SRGAP3: variants seen among roughly 807,000 people sequenced by gnomAD.
SRGAP3 encodes the protein SLIT-ROBO Rho GTPase activating protein 3, also known as SLIT-ROBO Rho GTPase-activating protein 3.
SRGAP3 carries 39 observed loss-of-function variants against 121.1 expected under a neutral mutation model. The ratio of observed to expected loss-of-function variants is 0.32; its 90% CI spans 0.25 to 0.42. The LOEUF is 0.42. Ranked by LOEUF, SRGAP3 falls within the 10% of genes least tolerant of loss-of-function variation. The probability of loss-of-function intolerance (pLI) is 1.00; values close to 1 mark genes in which losing one functional copy is unlikely to be tolerated. For missense variants in SRGAP3, 1,213 were observed against 1,470.6 expected (o/e 0.82, Z 2.86); for synonymous variants, 601 against 570.0 (o/e 1.05, Z -0.77).
At chr3:9,226,929 G>A (rs558772293) in intron 1 of SRGAP3, among the ~76,000 whole-genome samples, 2 of 152,054 alleles carry the variant, frequency 1.3e-5, no homozygotes, top group Admixed American at 6.6e-5. Context: ...TCCAAACCCC[G>A]TCTGCAGGAA....
intron 1 of SRGAP3, among the ~76,000 whole-genome samples, chr3:9,136,088 G>A (rs1274637058): frequency 6.6e-6 from 1 of 152,164 alleles, no homozygotes; most frequent in African/African-American, 2.4e-5. Context: ...GTCCCACAAG[G>A]AGGGCTGTGT....
chr3:8,986,052 G>A, intron 21 of SRGAP3, 120 bp from the exon 22 acceptor site: 1 of 1,546,114 alleles, frequency 6.5e-7, no homozygotes, highest in Non-Finnish European at 8.7e-7. Context: ...CAGGGATGGA[G>A]ATTAAGTCCT....
intron 1 of SRGAP3, among the ~76,000 whole-genome samples, chr3:9,143,606 C>A (rs1484188671): frequency 6.6e-6 from 1 of 152,148 alleles, no homozygotes; most frequent in Non-Finnish European, 1.5e-5. Context: ...GGCACAAATG[C>A]CAGTGATGCT....
chr3:9,191,873 T>C (rs1035437789), intron 1 of SRGAP3, among the ~76,000 whole-genome samples: 1 of 152,112 alleles, frequency 6.6e-6, no homozygotes, highest in African/African-American at 2.4e-5. Flanking sequence ...TTTAAAAGTG[T>C]GTAGCATCTC....
chr3:9,076,290 G>C lies in SRGAP3; in HGVS notation c.486+3735C>G, dbSNP rs374866995. Among the ~76,000 whole-genome samples, 3 of 152,100 alleles carry C rather than the reference G, an allele frequency of 2.0e-5. No individual in the cohort carries two copies. The East Asian group carries it at 5.8e-4, about 29-fold the overall frequency. ...ACAGCAACTGATAGCTGAAACAAAGGCTTTAAATAAGTCACTTCTCTGTGC... is the reference window on the plus strand; with the variant it reads ...ACAGCAACTGATAGCTGAAACAAAGCCTTTAAATAAGTCACTTCTCTGTGC... On this transcript the variant is annotated intron_variant, in intron 4 of 21. Transcript: ENST00000383836.
At chr3:9,035,226 G>A (rs886823999) in intron 11 of SRGAP3, 4 of 152,872 alleles carry the variant, frequency 2.6e-5, no homozygotes, top group Non-Finnish European at 5.8e-5. Context: ...GCAGGTGTTG[G>A]ACACTCAATA....
intron 1 of SRGAP3, among the ~76,000 whole-genome samples, chr3:9,174,960 G>A (rs1172615982): frequency 2.0e-5 from 3 of 152,142 alleles, no homozygotes; most frequent in South Asian, 2.1e-4. Context: ...GCGTCATTCC[G>A]TGGACTGGGA....
intron 10 of SRGAP3, among the ~76,000 whole-genome samples, chr3:9,046,310 GA>G: frequency 6.6e-6 from 1 of 152,366 alleles, no homozygotes; most frequent in Middle Eastern, 3.4e-3. Context: ...AAAGGAGCAC[GA>G]GGGAATTTTT....
In SRGAP3 at chr3:9,088,015, G is replaced by C. The variant is rs367682757; in HGVS notation, c.424-7928C>G. 5.9e-5 allele frequency among the ~76,000 whole-genome samples: 9 copies of C among 152,116 alleles called. 1 individual carries two copies. ...AGGCGTTCTTTCTATTTTTGGCTGG[G>C]GTTGATTGGGAAGGGAAATATTCTC... On this transcript the variant is annotated intron_variant, in intron 3 of 21. Coordinates refer to ENST00000383836, the MANE Select transcript of SRGAP3 (RefSeq NM_014850.4).
intron 3 of SRGAP3, among the ~76,000 whole-genome samples, chr3:9,083,607 A>T (rs573453615): frequency 6.6e-6 from 1 of 152,184 alleles, no homozygotes; most frequent in African/African-American, 2.4e-5. Context: ...CATCATAATT[A>T]ATTTAGCCAG....
At chr3:9,032,181 G>A (rs1056111051) in intron 12 of SRGAP3, among the ~76,000 whole-genome samples, 5 of 152,012 alleles carry the variant, frequency 3.3e-5, no homozygotes, top group Admixed American at 1.3e-4. Context: ...TCCTTTGCTG[G>A]TATATATGCA....
At chr3:9,306,167 TGAC>T (rs1323345699) in intron 3 of SRGAP3, among the ~76,000 whole-genome samples, 5 of 152,264 alleles carry the variant, frequency 3.3e-5, no homozygotes, top group Non-Finnish European at 7.3e-5. Context: ...TGACCAGTGA[TGAC>T]GAGCATTTTT....
chr3:9,333,163 A>G (rs1955638666), intron 1 of SRGAP3, among the ~76,000 whole-genome samples: 1 of 152,234 alleles, frequency 6.6e-6, no homozygotes, highest in Admixed American at 6.5e-5. Context: ...ACTCTCGGAA[A>G]GGAAGAATGC....
At chr3:9,216,095 C>T (rs996784580) in intron 1 of SRGAP3, among the ~76,000 whole-genome samples, 28 of 43,640 alleles carry the variant, frequency 6.4e-4, no homozygotes, top group African/African-American at 2.8e-3. Flanking sequence ...ATCTGGAGGC[C>T]CCTGACTAAT....
At chr3:9,205,746 A>G (rs1952244145) in intron 1 of SRGAP3, among the ~76,000 whole-genome samples, 1 of 152,254 alleles carries the variant, frequency 6.6e-6, no homozygotes, top group African/African-American at 2.4e-5. Flanking sequence ...ATCATAGATA[A>G]ACAGATAAAC....
At position 9,310,599 on chromosome 3, in the gene SRGAP3, T is replaced by C. The variant is rs552492906; in HGVS notation, n.442+15411A>G. 3.9e-5 allele frequency among the ~76,000 whole-genome samples: 6 copies of C among 152,244 alleles called. No homozygotes were observed. The South Asian group carries it at 6.2e-4, about 16-fold the overall frequency. On this transcript the variant is annotated intron_variant and non_coding_transcript_variant, in intron 3 of 3. Transcript: ENST00000490889. ...TTCCCCTCTTCACTAAGGTGTGATA[T>C]AAGGTTACAAGGTCTGGAACTGCTA...
chr3:9,209,493 C>T (rs565546802), intron 1 of SRGAP3, among the ~76,000 whole-genome samples: 3 of 152,208 alleles, frequency 2.0e-5, no homozygotes, highest in Admixed American at 6.5e-5. Flanking sequence ...CTATTAATTC[C>T]GGCCCATATT....
chr3:9,178,577 A>C (rs1464739948), intron 1 of SRGAP3, among the ~76,000 whole-genome samples: 1 of 152,174 alleles, frequency 6.6e-6, no homozygotes, highest in African/African-American at 2.4e-5. Context: ...CAGTTTAAAA[A>C]ACTGAGATCC....
chr3:9,002,706 G>C (rs1332225237), intron 18 of SRGAP3, among the ~76,000 whole-genome samples: 1 of 152,000 alleles, frequency 6.6e-6, no homozygotes, highest in Non-Finnish European at 1.5e-5. Flanking sequence ...AATAAACCAA[G>C]AAAACATGAG....
Sources: allele counts gnomAD v4.1 joint callset (sites outside exome capture counted in the v4.1 genomes callset), GRCh38; gene constraint gnomAD v4.1.1; transcripts MANE v1.5; gene names NCBI Gene and HGNC (gene_info 2026-07-23, HGNC 2026-07-21).